Variants in ARHGAP39 observed in about 807,000 individuals in gnomAD.
The protein encoded by ARHGAP39 is Rho GTPase activating protein 39.
A neutral mutation model predicts 106.9 loss-of-function variants in ARHGAP39; 44 were observed. That is an observed-to-expected ratio of 0.41 (90% CI 0.32 to 0.53). ARHGAP39 has a LOEUF of 0.53. Among genes scored for constraint, ARHGAP39 ranks in the 20% least tolerant of loss-of-function variants. The pLI is 0.21. For missense variants in ARHGAP39, 1,496 were observed against 1,577.3 expected (o/e 0.95, Z 0.87); for synonymous variants, 768 against 693.2 (o/e 1.11, Z -1.69).
At chr8:144,642,904 T>A (rs895230643) in intron 1 of ARHGAP39, among the ~76,000 whole-genome samples, 4 of 152,164 alleles carry the variant, frequency 2.6e-5, no homozygotes, top group Admixed American at 2.6e-4. Context: ...TCTCAGCTAC[T>A]TGGGAGGCTG....
upstream of ARHGAP39, among the ~76,000 whole-genome samples, chr8:144,687,774 C>T (rs1442636319): frequency 2.3e-4 from 27 of 117,268 alleles, no homozygotes; most frequent in Admixed American, 3.8e-4. Context: ...TGACCACACA[C>T]TGGCGGTGAG....
intron 3 of ARHGAP39, among the ~76,000 whole-genome samples, chr8:144,556,352 A>G (rs779395015): frequency 1.3e-5 from 2 of 152,128 alleles, no homozygotes; most frequent in African/African-American, 2.4e-5. Flanking sequence ...GGCCTGGAAC[A>G]TAACAAATAT....
In ARHGAP39 at chr8:144,534,244, G is replaced by A. The variant is rs746023453; in HGVS notation, c.2615-42C>T. On this transcript the variant is annotated intron_variant, in intron 7 of 11. Coordinates refer to ENST00000377307, the MANE Select transcript of ARHGAP39 (RefSeq NM_025251.3). ...CCTGATCAGCCTGATGTGGGTGTGT[G>A]GGTGTGGGGCCAGGAGAGGGGTGAG... 31 of 1,608,788 alleles carry A rather than the reference G, an allele frequency of 1.9e-5. 1 individual carries two copies. The South Asian group carries it at 3.3e-4, about 17-fold the overall frequency.
Position 144,671,912 on chromosome 8 carries a change from A to T in ARHGAP39, c.-82+13774T>A, listed in dbSNP as rs746014016. Among the ~76,000 whole-genome samples the T allele has an allele frequency of 3.3e-5, 5 of 152,220 alleles. No individual in the cohort carries two copies. The highest frequency in any genetic ancestry group is 4.8e-5 in the African/African-American group (2 of 41,456). ...ATGAGTGTGGGTGGGCCTGGCAAAC[A>T]CAAGACCAGGTGTGAGAGCCCTGCC... On this transcript the variant is annotated intron_variant, in intron 1 of 11. Coordinates refer to ENST00000377307, the MANE Select transcript of ARHGAP39 (RefSeq NM_025251.3). This position sits in a 1 kb window ranked among gnomAD's most constrained non-coding sequence, Gnocchi z 4.5.
Position 144,529,310 on chromosome 8 carries a change from A to T in ARHGAP39, c.*1112T>A. 1 of 179,696 alleles carries T rather than the reference A, an allele frequency of 5.6e-6. No individual in the cohort carries two copies. The highest frequency in any genetic ancestry group is 1.2e-5 in the Non-Finnish European group (1 of 86,754). The allele number at this position is 179,696 out of a possible 1,614,324, so 11.1% of individuals were successfully genotyped here. ...CTGAGGACGCCGCCCAGGCCTCGGC[A>T]GGGCTGGGGCTTTTGTTTTTAATAA... On this transcript the variant is annotated 3_prime_UTR_variant, in exon 12 of 12. Coordinates refer to ENST00000377307, the MANE Select transcript of ARHGAP39 (RefSeq NM_025251.3).
At chr8:144,668,559 AG>A (rs2129714585) in intron 1 of ARHGAP39, among the ~76,000 whole-genome samples, 1 of 152,384 alleles carries the variant, frequency 6.6e-6, no homozygotes, top group East Asian at 1.9e-4. Context: ...AATTCCATTT[AG>A]AATAACATCA....
At chr8:144,570,055 T>G (rs1027306726) in intron 3 of ARHGAP39, among the ~76,000 whole-genome samples, 1 of 152,070 alleles carries the variant, frequency 6.6e-6, no homozygotes, top group South Asian at 2.1e-4. Context: ...ACCCCGTCTC[T>G]ACTAAAAATA....
At chr8:144,595,413 G>A (rs949541425) in intron 2 of ARHGAP39, among the ~76,000 whole-genome samples, 2 of 152,216 alleles carry the variant, frequency 1.3e-5, no homozygotes, top group African/African-American at 4.8e-5. Flanking sequence ...CGTGCCCGAG[G>A]CTGGGGAGAG....
At chr8:144,656,807 CAAAAAAAAA>C (rs35058065) in intron 1 of ARHGAP39, among the ~76,000 whole-genome samples, 7 of 42,348 alleles carry the variant, frequency 1.7e-4, no homozygotes, top group Admixed American at 3.8e-4. Flanking sequence ...GACTCCATCT[CAAAAAAAAA>C]AAAAAAAAAA....
the ARHGAP39 span, among the ~76,000 whole-genome samples, chr8:144,692,289 G>T: frequency 6.6e-6 from 1 of 152,088 alleles, no homozygotes; most frequent in East Asian, 1.9e-4. Flanking sequence ...CAGCTCTGTG[G>T]GGTCTCTTGG....
chr8:144,596,096 AG>A (rs1819610949), intron 2 of ARHGAP39, among the ~76,000 whole-genome samples: 4 of 152,176 alleles, frequency 2.6e-5, no homozygotes, highest in Admixed American at 2.0e-4. Context: ...AAGGAGACAG[AG>A]GCCCCGCAGC....
chr8:144,548,234 G>T lies in ARHGAP39; in HGVS notation c.852C>A (p.Ser284Arg). The T allele has an allele frequency of 6.2e-7, 1 of 1,608,066 alleles. No homozygotes were observed. The highest frequency in any genetic ancestry group is 8.5e-7 in the Non-Finnish European group (1 of 1,177,140). ...GGGGCTGGGCCAGCAGCGGGGAGCT[G>T]CTCCCTGGGAGCTCGGCCCTCTTCA... The part of the protein sequence containing the change: ...PFLKRAELPG[S>R]SSPLLAQPRK... Residue 284 changes from serine to arginine, a missense_variant, in exon 5 of 12, where the codon AGC becomes AGA. This residue lies in a region of ARHGAP39 where 905 missense variants were observed against 816.4 expected (regional missense o/e 1.11). Transcript: ENST00000377307. The surrounding 1 kb of genome is among the most constrained non-coding windows in gnomAD (Gnocchi z 7.4).
intron 1 of ARHGAP39, among the ~76,000 whole-genome samples, chr8:144,623,620 G>A (rs1187959456): frequency 2.0e-5 from 3 of 152,362 alleles, no homozygotes; most frequent in South Asian, 2.1e-4. Context: ...GACGTCTGCA[G>A]CGACAGAGGA....
At chr8:144,544,209 CCACA>C (rs1425619114) in intron 6 of ARHGAP39, among the ~76,000 whole-genome samples, 1 of 152,234 alleles carries the variant, frequency 6.6e-6, no homozygotes, top group Non-Finnish European at 1.5e-5. Context: ...CAAAATCTCC[CCACA>C]AACAGCTGAT....
chr8:144,600,968 ATGTGCGTGGAGGTGTG>A (rs1819883699), intron 2 of ARHGAP39, among the ~76,000 whole-genome samples: 1 of 98,700 alleles, frequency 1.0e-5, no homozygotes, highest in African/African-American at 4.0e-5. Flanking sequence ...ACCTGTGTGC[ATGTGCGTGGAGGTGTG>A]TGTGCGAGCT....
Position 144,548,023 on chromosome 8 carries a change from G to T in ARHGAP39, c.1063C>A (p.Pro355Thr). ...PQRSPGRKPR[P>T]FLQPNKQGPP... Reference sequence around the variant, plus strand: ...CCCTGCTTGTTGGGCTGGAGGAACGGCCGGGGCTTACGGCCCGGCGACCGC... The same window carrying T: ...CCCTGCTTGTTGGGCTGGAGGAACGTCCGGGGCTTACGGCCCGGCGACCGC... The change falls in exon 5 of 12, where the codon CCG becomes ACG. Residue 355 changes from proline (P) to threonine (T), a missense_variant. Pro to Thr is a conservative substitution (Grantham distance 38, BLOSUM62 -1). Transcript: ENST00000377307. The surrounding 1 kb of genome is among the most constrained non-coding windows in gnomAD (Gnocchi z 7.4). 6.2e-7 allele frequency: 1 copy of T among 1,607,802 alleles called. No individual in the cohort carries two copies.
At chr8:144,594,734 T>C (rs554346990) in intron 2 of ARHGAP39, among the ~76,000 whole-genome samples, 1 of 151,066 alleles carries the variant, frequency 6.6e-6, no homozygotes, top group Admixed American at 6.6e-5. Context: ...ATACAAAAAT[T>C]AGCCAGGTGT....
intron 1 of ARHGAP39, among the ~76,000 whole-genome samples, chr8:144,663,807 G>C (rs1002857339): frequency 5.3e-5 from 8 of 152,156 alleles, no homozygotes; most frequent in Non-Finnish European, 8.8e-5. Context: ...GAACTCCTGG[G>C]CTTCTACCAG....
chr8:144,558,835 G>C (rs1396379420), intron 3 of ARHGAP39, among the ~76,000 whole-genome samples: 1 of 152,084 alleles, frequency 6.6e-6, no homozygotes, highest in Non-Finnish European at 1.5e-5. Context: ...CACTTTGGGA[G>C]GCTGAGGTGG....
Sources: allele counts gnomAD v4.1 joint callset (sites outside exome capture counted in the v4.1 genomes callset), GRCh38; gene constraint gnomAD v4.1.1; regional missense constraint gnomAD v4.1.1; non-coding constraint Gnocchi (gnomAD v3.1); transcripts MANE v1.5; gene names NCBI Gene and HGNC (gene_info 2026-07-23, HGNC 2026-07-21).